PDIA4: variants seen among roughly 807,000 people sequenced by gnomAD.
The protein encoded by PDIA4 is protein disulfide isomerase family A member 4.
PDIA4 carries 33 observed loss-of-function variants against 62.1 expected under a neutral mutation model. The ratio of observed to expected loss-of-function variants is 0.53; its 90% confidence interval spans 0.40 to 0.71. The LOEUF is 0.71. PDIA4 is among the 30% of genes least tolerant of loss of function. The probability of loss-of-function intolerance (pLI) is 0.00; values close to 1 mark genes in which losing one functional copy is unlikely to be tolerated. For synonymous variants in PDIA4, 341 were observed against 324.1 expected (o/e 1.05, Z -0.56); for missense variants, 804 against 813.6 (o/e 0.99, Z 0.14).
At chr7:149,012,817 A>T (rs1189466934) in intron 4 of PDIA4, among the ~76,000 whole-genome samples, 1 of 152,130 alleles carries the variant, frequency 6.6e-6, no homozygotes, top group African/African-American at 2.4e-5. Flanking sequence ...GGGCGAAGAG[A>T]GGGTCGGCAG....
In PDIA4 at chr7:149,018,228, C is replaced by CAA. The variant is rs201490937; in HGVS notation, c.475+762_475+763dup. On this transcript the variant is annotated intron_variant, in intron 3 of 9. Transcript: ENST00000652332. ...TGGGCAACAGAGTGAGACTAAGTCT[C>CAA]AAAAAAAAAATAAAAAAGAAATGCA... Among the ~76,000 whole-genome samples, 828 of 146,460 alleles carry CAA rather than the reference C, an allele frequency of 5.7e-3. 11 individuals carry two copies. Among genetic ancestry groups the CAA allele is most frequent in the African/African-American group, 0.02 (794 of 39,980 alleles).
At chr7:149,024,968 T>C (rs1053260534) in intron 1 of PDIA4, among the ~76,000 whole-genome samples, 1 of 139,662 alleles carries the variant, frequency 7.2e-6, no homozygotes, top group African/African-American at 2.7e-5. Context: ...CTACTAAAAA[T>C]ACAAAATTAG....
intron 8 of PDIA4, 33 bp downstream of exon 8, chr7:149,005,864 C>G: frequency 1.4e-6 from 2 of 1,457,416 alleles, no homozygotes; most frequent in Non-Finnish European, 1.8e-6. Flanking sequence ...CCCCCACCCC[C>G]CACCCCCGCA....
intron 4 of PDIA4, among the ~76,000 whole-genome samples, chr7:149,013,141 G>A (rs940109751): frequency 4.6e-5 from 7 of 152,094 alleles, no homozygotes; most frequent in Admixed American, 4.6e-4. Flanking sequence ...CCAGCTACTC[G>A]GGAGGCTGAG....
At position 149,018,975 on chromosome 7, in the gene PDIA4, C is replaced by A; in HGVS notation, c.475+17G>T. 6.3e-7 allele frequency: 1 copy of A among 1,590,836 alleles called. No individual in the cohort carries two copies. Among genetic ancestry groups the A allele is most frequent in the Non-Finnish European group, 8.6e-7 (1 of 1,159,562 alleles). On this transcript the variant is annotated intron_variant, in intron 3 of 9. Coordinates refer to ENST00000652332, the MANE Select transcript of PDIA4 (RefSeq NM_004911.5). The stretch of plus-strand genomic sequence containing the variant: ...CGGGAAGGAGTTCTTCCTCTACGAG[C>A]TCAGGTACCAGCTCACCTTCCTGGG...
chr7:149,018,053 C>T (rs1447803974), intron 3 of PDIA4, among the ~76,000 whole-genome samples: 1 of 152,112 alleles, frequency 6.6e-6, no homozygotes, highest in Non-Finnish European at 1.5e-5. Context: ...CATGGTGAAA[C>T]CCCGTCTCTA....
At chr7:149,027,239 G>A (rs1427403043) in intron 1 of PDIA4, among the ~76,000 whole-genome samples, 3 of 152,178 alleles carry the variant, frequency 2.0e-5, no homozygotes, top group African/African-American at 4.8e-5. Context: ...CATGATTTGG[G>A]TAAAGGTCTC....
At chr7:149,005,115 G>A in intron 9 of PDIA4, 26 bp downstream of exon 9, 1 of 1,562,696 alleles carries the variant, frequency 6.4e-7, no homozygotes, top group Non-Finnish European at 8.8e-7. Flanking sequence ...GCTGATGGGA[G>A]ACCCCAGCCC....
chr7:149,024,794 G>T (rs959872232), intron 1 of PDIA4, among the ~76,000 whole-genome samples: 1 of 125,766 alleles, frequency 8.0e-6, no homozygotes, highest in Non-Finnish European at 1.6e-5. Flanking sequence ...CCAGCCTGGC[G>T]ACCGAGCAAG....
intron 1 of PDIA4, among the ~76,000 whole-genome samples, chr7:149,024,822 A>T (rs1286834853): frequency 1.7e-4 from 4 of 23,000 alleles, no homozygotes; most frequent in Non-Finnish European, 1.3e-3. Context: ...TTTAAAAAAA[A>T]AAAAAAAAAA....
rs1320294444 is a variant in PDIA4 at position 149,014,920 on chromosome 7, C to T, written c.598G>A (p.Glu200Lys). 1.2e-6 allele frequency: 2 copies of T among 1,614,058 alleles called. No homozygotes were observed. The highest frequency in any genetic ancestry group is 2.7e-5 in the African/African-American group (2 of 74,950). Reference sequence around the variant, plus strand: ...CCACCTTACCATGGGGCATAAAACTCCACCAGAATGATATCTGCATCATTC... The same window carrying T: ...CCACCTTACCATGGGGCATAAAACTTCACCAGAATGATATCTGCATCATTC... ...VVNDADIILV[E>K]FYAPWCGHCK... Residue 200 changes from glutamate (E) to lysine (K), a missense_variant, in exon 4 of 10, where the codon GAG becomes AAG. By Grantham distance (56) the Glu-to-Lys change is moderately conservative (BLOSUM62 1). Coordinates refer to ENST00000652332, the MANE Select transcript of PDIA4 (RefSeq NM_004911.5).
intron 1 of PDIA4, among the ~76,000 whole-genome samples, chr7:149,026,558 G>A (rs951777686): frequency 1.3e-5 from 2 of 152,042 alleles, no homozygotes; most frequent in African/African-American, 4.8e-5. Flanking sequence ...GGTGGAGAAA[G>A]GAGAATCACT....
intron 3 of PDIA4, among the ~76,000 whole-genome samples, chr7:149,018,005 G>A (rs1003600542): frequency 3.3e-5 from 5 of 152,124 alleles, no homozygotes; most frequent in Admixed American, 6.6e-5. Flanking sequence ...CAAAGCGGGC[G>A]GATCACGAGG....
chr7:149,015,123 G>C (rs1824083167), intron 3 of PDIA4, 81 bp from the exon 4 acceptor site: 1 of 1,439,674 alleles, frequency 6.9e-7, no homozygotes, highest in African/African-American at 1.4e-5. Context: ...AGATGAGGAG[G>C]GGGAAGAAAG....
chr7:149,025,704 T>C (rs1283829937), intron 1 of PDIA4, among the ~76,000 whole-genome samples: 4 of 152,216 alleles, frequency 2.6e-5, no homozygotes, highest in Non-Finnish European at 5.9e-5. Flanking sequence ...TTCTTCCCAA[T>C]ACGCCCAAAG....
At chr7:149,008,851 C>T (rs66691097) in intron 6 of PDIA4, among the ~76,000 whole-genome samples, 1 of 151,466 alleles carries the variant, frequency 6.6e-6, no homozygotes, top group East Asian at 2.0e-4. Flanking sequence ...TCCTGGCCGG[C>T]CACAGTGGCT....
Position 149,011,904 on chromosome 7 carries a change from G to A in PDIA4, c.921C>T (p.Ile307=), listed in dbSNP as rs760182178. Residue 307 remains isoleucine, a synonymous_variant, in exon 6 of 10, where the codon ATC becomes ATT. Coordinates refer to ENST00000652332, the MANE Select transcript of PDIA4 (RefSeq NM_004911.5). ...TCTCCCCCTTAAAGACCCCGATGAT[G>A]ATGACATCGTCTCCATCCTTCAGGA... ...QEFLKDGDDV[I]IIGVFKGESD... is the part of the protein sequence containing the mutation. 6.2e-6 allele frequency: 10 copies of A among 1,607,840 alleles called. No individual in the cohort carries two copies. Among genetic ancestry groups the A allele is most frequent in the Middle Eastern group, 1.7e-4 (1 of 6,032 alleles).
At chr7:149,025,347 C>T (rs888713593) in intron 1 of PDIA4, among the ~76,000 whole-genome samples, 5 of 152,100 alleles carry the variant, frequency 3.3e-5, no homozygotes, top group Admixed American at 1.3e-4. Flanking sequence ...CCTCACTCTC[C>T]GTCCTCAGCT....
chr7:149,005,154 A>G lies in PDIA4; in HGVS notation c.1509T>C (p.Thr503=). 6.2e-7 allele frequency: 1 copy of G among 1,612,554 alleles called. No individual in the cohort carries two copies. The highest frequency in any genetic ancestry group is 1.1e-5 in the South Asian group (1 of 91,044). The part of the protein sequence containing the change: ...FDSDTLREFV[T]AFKKGKLKPV... ...CCACGGGCTCACCTTTTTTGAAAGC[A>G]GTGACAAACTCGCGGAGGGTGTCAG... Residue 503 remains threonine, a synonymous_variant, in exon 9 of 10, where the codon ACT becomes ACC. Coordinates refer to ENST00000652332, the MANE Select transcript of PDIA4 (RefSeq NM_004911.5).
Sources: allele counts gnomAD v4.1 joint callset (sites outside exome capture counted in the v4.1 genomes callset), GRCh38; gene constraint gnomAD v4.1.1; transcripts MANE v1.5; gene names NCBI Gene and HGNC (gene_info 2026-07-23, HGNC 2026-07-21).